Variants in PBX1 observed in about 807,000 individuals in gnomAD.
PBX1 encodes the protein PBX homeobox 1.
In PBX1, 6 loss-of-function variants were observed where a neutral mutation model predicts 53.4. That is an observed-to-expected ratio of 0.11 (90% confidence interval 0.06 to 0.22). PBX1 has a LOEUF of 0.22. Ranked by LOEUF, PBX1 falls within the 10% of genes least tolerant of loss-of-function variation. PBX1 has a pLI of 1.00. For missense variants in PBX1, 251 were observed against 551.4 expected, an observed-to-expected ratio of 0.46 and a Z score of 5.46; for synonymous variants, 204 against 212.3, an observed-to-expected ratio of 0.96 and a Z score of 0.34.
chr1:164,791,886 G>A (rs1040175767), intron 2 of PBX1, among the ~76,000 whole-genome samples: 3 of 152,024 alleles, frequency 2.0e-5, no homozygotes, highest in Non-Finnish European at 2.9e-5. Flanking sequence ...AATGAGTGGC[G>A]TGATCTCAGC....
chr1:164,731,685 A>G (rs917514682), intron 2 of PBX1, among the ~76,000 whole-genome samples: 2 of 152,232 alleles, frequency 1.3e-5, no homozygotes, highest in African/African-American at 4.8e-5. Flanking sequence ...GAAAGCCCTC[A>G]TCTGCTCCAG....
At chr1:164,611,630 G>GA (rs35043670) in intron 2 of PBX1, among the ~76,000 whole-genome samples, 64,954 of 148,978 alleles carry the variant, frequency 0.44, 14,256 homozygotes, top group East Asian at 0.51. Context: ...CCTTGGTTAG[G>GA]AAAAAAAAAA....
In PBX1 at chr1:164,848,881, G is replaced by A; in HGVS notation, c.*2205G>A. On this transcript the variant is annotated 3_prime_UTR_variant, in exon 9 of 9. Coordinates refer to ENST00000420696, the MANE Select transcript of PBX1 (RefSeq NM_002585.4). ...TGCCACTGAAGAAACTCAAGGGAAT[G>A]TGTATTTGAAGGAAATGCAAAAACT... 9.4e-7 allele frequency: 1 copy of A among 1,067,294 alleles called. No homozygotes were observed. Among genetic ancestry groups the A allele is most frequent in the East Asian group, 5.0e-5 (1 of 20,106 alleles). The allele number at this position is 1,067,294 out of a possible 1,614,324, so 66.1% of individuals were successfully genotyped here. A position where few individuals can be genotyped will look rare whatever the true frequency, so the allele number is the denominator to read the frequency against.
At chr1:164,852,215 TC>T (rs1671870123), downstream of PBX1, among the ~76,000 whole-genome samples, 1 of 152,196 alleles carries the variant, frequency 6.6e-6, no homozygotes, top group African/African-American at 2.4e-5. Context: ...TCTGCTGTGA[TC>T]TGGTCATAAG....
At chr1:164,702,428 T>G (rs1663176377) in intron 2 of PBX1, among the ~76,000 whole-genome samples, 1 of 152,202 alleles carries the variant, frequency 6.6e-6, no homozygotes, top group South Asian at 2.1e-4. Context: ...CTGCTATGTT[T>G]ATAGACATCA....
chr1:164,694,399 T>TA (rs2102031635), intron 2 of PBX1, among the ~76,000 whole-genome samples: 1 of 152,328 alleles, frequency 6.6e-6, no homozygotes, highest in African/African-American at 2.4e-5. Context: ...ACAGAGGACT[T>TA]ATCTTCTTTG....
At chr1:164,659,416 T>C (rs138537494) in intron 2 of PBX1, among the ~76,000 whole-genome samples, 1 of 152,220 alleles carries the variant, frequency 6.6e-6, no homozygotes, top group Non-Finnish European at 1.5e-5. Context: ...CCTCCCTCTA[T>C]ATTAACAAAG....
chr1:164,565,434 C>CACACACAA (rs1653366630), intron 2 of PBX1, among the ~76,000 whole-genome samples: 2 of 151,718 alleles, frequency 1.3e-5, no homozygotes, highest in Admixed American at 6.6e-5. Context: ...CACACACACA[C>CACACACAA]ACACACACAC....
Position 164,870,329 on chromosome 1 carries a change from CT to C in PBX1, n.258-28856del, listed in dbSNP as rs1156508342. ...TCTTTCTTTCTTTCTTTCTTTCTTT[CT>C]TTCTTTCTTTCTTTCTTTCTTTCTT... is the stretch of plus-strand genomic sequence containing the variant. On this transcript the variant is annotated intron_variant and non_coding_transcript_variant, in intron 2 of 2. Coordinates refer to the PBX1 transcript ENST00000558796. Among the ~76,000 whole-genome samples the C allele has an allele frequency of 2.7e-3, 275 of 103,242 alleles. 10 individuals are homozygous for C. The highest frequency in any genetic ancestry group is 5.0e-3 in the Middle Eastern group (1 of 202). 67.7% of individuals were successfully genotyped at this position (103,242 alleles called of 152,430 possible). A position where few individuals can be genotyped will look rare whatever the true frequency, so the allele number is the denominator to read the frequency against.
At chr1:164,807,870 G>C (rs1264523944) in intron 5 of PBX1, among the ~76,000 whole-genome samples, 193 bp downstream of exon 5, 1 of 152,212 alleles carries the variant, frequency 6.6e-6, no homozygotes, top group African/African-American at 2.4e-5. Flanking sequence ...GGCAAAACTT[G>C]AGAAGAACCA....
chr1:164,723,464 C>A (rs959407019), intron 2 of PBX1, among the ~76,000 whole-genome samples: 2 of 152,084 alleles, frequency 1.3e-5, no homozygotes, highest in South Asian at 4.1e-4. Context: ...TAATGTTGGA[C>A]GAGCAGGGGT....
intron 2 of PBX1, among the ~76,000 whole-genome samples, chr1:164,595,127 G>A (rs1655666431): frequency 6.6e-6 from 1 of 152,142 alleles, no homozygotes; most frequent in South Asian, 2.1e-4. Context: ...GAGTTATATT[G>A]TATTCTTTCT....
intron 2 of PBX1, among the ~76,000 whole-genome samples, chr1:164,718,940 C>T (rs2102098684): frequency 6.6e-6 from 1 of 152,298 alleles, no homozygotes; most frequent in African/African-American, 2.4e-5. Context: ...AAGTCCCTCT[C>T]CTCCAAGTTG....
intron 2 of PBX1, among the ~76,000 whole-genome samples, chr1:164,762,139 G>A (rs904508151): frequency 6.6e-6 from 1 of 152,132 alleles, no homozygotes; most frequent in African/African-American, 2.4e-5. Flanking sequence ...CCCTTGTAAA[G>A]TTAAATAGAA....
chr1:164,666,783 A>G (rs1362215830), intron 2 of PBX1, among the ~76,000 whole-genome samples: 1 of 152,216 alleles, frequency 6.6e-6, no homozygotes, highest in African/African-American at 2.4e-5. Flanking sequence ...AAGGAAAAAA[A>G]GTAGTAAAAA....
chr1:164,594,302 C>CT (rs1171532082), intron 2 of PBX1, among the ~76,000 whole-genome samples: 14 of 151,318 alleles, frequency 9.3e-5, no homozygotes, highest in South Asian at 2.1e-4. Context: ...AGATACTTTT[C>CT]TTTTTTTTTG....
intron 2 of PBX1, among the ~76,000 whole-genome samples, chr1:164,857,506 A>G (rs1216709412): frequency 6.6e-6 from 1 of 152,142 alleles, no homozygotes; most frequent in Non-Finnish European, 1.5e-5. Context: ...GTCCATAGGC[A>G]TTGGTGACGC....
chr1:164,842,268 A>AG (rs993995986), intron 8 of PBX1, among the ~76,000 whole-genome samples: 2 of 152,130 alleles, frequency 1.3e-5, no homozygotes, highest in Admixed American at 1.3e-4. Flanking sequence ...TCCTGTCAGG[A>AG]GAAACCACGT....
At chr1:164,775,689 C>T (rs965721563) in intron 2 of PBX1, among the ~76,000 whole-genome samples, 3 of 152,138 alleles carry the variant, frequency 2.0e-5, no homozygotes, top group South Asian at 4.1e-4. Context: ...ATCCCTTTTG[C>T]GGGGTATTTT....
Sources: gnomAD v4.1 joint callset for allele counts (sites outside exome capture counted in the v4.1 genomes callset) on GRCh38, gnomAD v4.1.1 for gene constraint, MANE v1.5 for transcripts, NCBI Gene and HGNC (gene_info 2026-07-23, HGNC 2026-07-21) for gene names.